The following YIPF6 variants were observed in gnomAD, a reference collection of about 807,000 sequenced individuals.
The protein encoded by YIPF6 is protein YIPF6.
Under a neutral mutation model 16.8 loss-of-function variants are expected in YIPF6, and 3 were observed. The ratio of observed to expected loss-of-function variants is 0.18; its 90% CI spans 0.08 to 0.46. The LOEUF is 0.46. Among genes scored for constraint, YIPF6 ranks in the 20% least tolerant of loss-of-function variants. The pLI is 0.98. For missense variants in YIPF6, 145 were observed against 184.9 expected (o/e 0.78, Z 1.25); for synonymous variants, 67 against 61.9 (o/e 1.08, Z -0.38).
intron 6 of YIPF6, among the ~76,000 whole-genome samples, chrX:68,525,566 A>G (rs2079144282): frequency 1.8e-5 from 2 of 112,145 alleles, no homozygotes; most frequent in African/African-American, 3.2e-5. Context: ...GCCTATGCCT[A>G]TGTCCTAAAT....
At chrX:68,524,162 G>GTGA (rs2079137918) in intron 6 of YIPF6, among the ~76,000 whole-genome samples, 1 of 110,784 alleles carries the variant, frequency 9.0e-6, no homozygotes, top group Non-Finnish European at 1.9e-5. Flanking sequence ...TCCCAGAGAT[G>GTGA]TGATGATGAT....
chrX:68,513,647 G>A (rs2079089958), intron 3 of YIPF6: 2 of 184,581 alleles, frequency 1.1e-5, no homozygotes, highest in African/African-American at 3.1e-5. Context: ...GAGTGCAATG[G>A]TATGATCTTG....
At chrX:68,520,088 G>T (rs1415471841) in intron 4 of YIPF6, among the ~76,000 whole-genome samples, 1 of 111,950 alleles carries the variant, frequency 8.9e-6, no homozygotes, top group Non-Finnish European at 1.9e-5. Flanking sequence ...AAGCAACAGG[G>T]ATTCCAGACA....
intron 1 of YIPF6, among the ~76,000 whole-genome samples, chrX:68,507,691 C>T (rs2147818644): frequency 9.1e-6 from 1 of 109,500 alleles, no homozygotes; most frequent in South Asian, 4.0e-4. Flanking sequence ...CAACCTCCGC[C>T]TCCTGAGTTC....
intron 5 of YIPF6, 81 bp from the exon 6 acceptor site, chrX:68,522,679 T>C (rs2079131579): frequency 1.1e-6 from 1 of 943,431 alleles, no homozygotes; most frequent in Non-Finnish European, 1.4e-6. Context: ...TTCCGTTACA[T>C]AGAGAAATCT....
rs771501368 is a variant in YIPF6, at chrX:68,520,987, C to A, written c.309-385C>A. Among the ~76,000 whole-genome samples the A allele has an allele frequency of 2.7e-5, 3 of 111,267 alleles. No homozygotes were observed. In the East Asian group the frequency reaches 8.5e-4, roughly 31 times the overall value. The stretch of plus-strand genomic sequence containing the variant: ...GTTTTTTCAAGAAAATCTAGAAATT[C>A]ATATTCTTATGTGAAATAAAATAGT... On this transcript the variant is annotated intron_variant, in intron 4 of 6. Coordinates refer to ENST00000462683, the MANE Select transcript of YIPF6 (RefSeq NM_173834.4).
Position 68,524,853 on chromosome X carries a change from C to T in YIPF6, c.592+1936C>T, listed in dbSNP as rs780345965. On this transcript the variant is annotated intron_variant, in intron 6 of 6. Coordinates refer to ENST00000462683, the MANE Select transcript of YIPF6 (RefSeq NM_173834.4). ...CAAAGGATATGAACTCAACCTTTTA[C>T]GTGGCTGCATAGTATTCCATGGTGT... is the stretch of plus-strand genomic sequence containing the variant. Among the ~76,000 whole-genome samples, 23 of 111,624 alleles carry T rather than the reference C, an allele frequency of 2.1e-4. 1 individual carries two copies. Among genetic ancestry groups the T allele is most frequent in the Admixed American group, 1.5e-3 (16 of 10,417 alleles).
chrX:68,506,184 A>G (rs1010640905), intron 1 of YIPF6, among the ~76,000 whole-genome samples: 2 of 110,704 alleles, frequency 1.8e-5, no homozygotes, highest in South Asian at 3.8e-4. Flanking sequence ...GTTATCATAC[A>G]TAACAAAACT....
Position 68,522,090 on chromosome X carries a change from G to A in YIPF6, c.434+593G>A, listed in dbSNP as rs182664318. Among the ~76,000 whole-genome samples, 62 of 110,392 alleles carry A rather than the reference G, an allele frequency of 5.6e-4. No homozygotes were observed. The East Asian group carries it at 7.2e-3, about 13-fold the overall frequency. ...TTTTTTGTGTAAGAAGAGTATGTAC[G>A]TTTTGGGGGGCAAGTGGTCCCTAGC... On this transcript the variant is annotated intron_variant, in intron 5 of 6. Coordinates refer to ENST00000462683, the MANE Select transcript of YIPF6 (RefSeq NM_173834.4).
At chrX:68,531,835 A>G (rs1405379719) in intron 6 of YIPF6, 46 bp from the exon 7 acceptor site, 1 of 870,359 alleles carries the variant, frequency 1.1e-6, no homozygotes, top group Non-Finnish European at 1.6e-6. Flanking sequence ...TTGTGACAAT[A>G]TTACTGTATT....
At chrX:68,529,422 T>C (rs1239181260) in intron 6 of YIPF6, among the ~76,000 whole-genome samples, 10 of 110,701 alleles carry the variant, frequency 9.0e-5, no homozygotes, top group Admixed American at 8.7e-4. Flanking sequence ...CATTAGAACA[T>C]GCTCCTTTAG....
intron 5 of YIPF6, among the ~76,000 whole-genome samples, chrX:68,522,500 C>T (rs1384787751): frequency 9.1e-6 from 1 of 109,936 alleles, no homozygotes; most frequent in African/African-American, 3.3e-5. Flanking sequence ...GGGGTTTCAC[C>T]ATGTTGGCCA....
At chrX:68,523,500 C>G (rs1602466270) in intron 6 of YIPF6, among the ~76,000 whole-genome samples, 1 of 111,770 alleles carries the variant, frequency 8.9e-6, no homozygotes, top group East Asian at 2.8e-4. Flanking sequence ...CTATACTATA[C>G]CACCTTCCAG....
intron 3 of YIPF6, among the ~76,000 whole-genome samples, chrX:68,516,687 G>A (rs1426847499): frequency 8.9e-6 from 1 of 112,026 alleles, no homozygotes; most frequent in Admixed American, 9.5e-5. Context: ...CTTGGGTAAG[G>A]TTATATACAT....
chrX:68,520,767 G>A (rs2079122606), intron 4 of YIPF6, among the ~76,000 whole-genome samples: 1 of 111,499 alleles, frequency 9.0e-6, no homozygotes, highest in Admixed American at 9.6e-5. Flanking sequence ...CACCATACCT[G>A]GCCTATTTCC....
At chrX:68,525,703 G>A (rs1391798693) in intron 6 of YIPF6, among the ~76,000 whole-genome samples, 1 of 111,913 alleles carries the variant, frequency 8.9e-6, no homozygotes, top group Admixed American at 9.5e-5. Context: ...TTCTGCATAT[G>A]GCTAGCCAGT....
intron 6 of YIPF6, among the ~76,000 whole-genome samples, chrX:68,526,228 T>A (rs1244628898): frequency 1.8e-5 from 2 of 111,383 alleles, no homozygotes; most frequent in Non-Finnish European, 3.8e-5. Flanking sequence ...TTCCTAGGTA[T>A]TTTATTCTCT....
rs1364545127 is a variant in YIPF6 at position 68,521,495 on chromosome X, C to A, written c.432C>A (p.Asn144Lys). Residue 144 changes from asparagine (N) to lysine (K), a missense_variant and splice_region_variant, in exon 5 of 7, where the codon AAC becomes AAA. Asn to Lys is a moderately conservative substitution (Grantham distance 94). Coordinates refer to ENST00000462683, the MANE Select transcript of YIPF6 (RefSeq NM_173834.4). Reference sequence around the variant, plus strand: ...TCAACTCAAAACTTCTTGGAGGGAACATGTGAGTATTATTAAAATGCATTC... The same window carrying A: ...TCAACTCAAAACTTCTTGGAGGGAAAATGTGAGTATTATTAAAATGCATTC... ...ITLNSKLLGG[N>K]ISFFQSLCVL... 4.2e-6 allele frequency: 5 copies of A among 1,204,245 alleles called. No homozygotes were observed. Among genetic ancestry groups the A allele is most frequent in the Non-Finnish European group, 5.6e-6 (5 of 892,916 alleles).
At position 68,536,850 on chromosome X, in the gene YIPF6, T is replaced by G. The variant is rs1164145692; in HGVS notation, c.*4851T>G. On this transcript the variant is annotated 3_prime_UTR_variant, in exon 7 of 7. Transcript: ENST00000462683. ...CATCAAACAATTTCTGCCTCTTTCT[T>G]TTTAATTCTCCCAGAGGGATGGTTA... 4 of 112,293 alleles carry G rather than the reference T, an allele frequency of 3.6e-5. No individual in the cohort carries two copies. Among genetic ancestry groups the G allele is most frequent in the African/African-American group, 1.3e-4 (4 of 30,898 alleles). The allele number at this position is 112,293 out of a possible 1,213,427, so 9.3% of individuals were successfully genotyped here. A position where few individuals can be genotyped will look rare whatever the true frequency, so the allele number is the denominator to read the frequency against.
Sources: allele counts gnomAD v4.1 joint callset (sites outside exome capture counted in the v4.1 genomes callset), GRCh38; gene constraint gnomAD v4.1.1; transcripts MANE v1.5; gene names NCBI Gene and HGNC (gene_info 2026-07-23, HGNC 2026-07-21).